Variants in LYN observed in about 807,000 individuals in gnomAD.
LYN encodes tyrosine-protein kinase Lyn.
In LYN, 12 loss-of-function variants were observed where a neutral mutation model predicts 65.0. That is an observed-to-expected ratio of 0.18 (90% confidence interval 0.12 to 0.30). The LOEUF (loss-of-function observed/expected upper bound fraction) is 0.30, where lower values mean the gene tolerates loss of function less well. LYN is among the 10% of genes least tolerant of loss of function. LYN has a pLI of 1.00. For synonymous variants in LYN, 222 were observed against 221.2 expected (o/e 1.00, Z -0.03); for missense variants, 380 against 623.2 (o/e 0.61, Z 4.16).
chr8:55,954,097 A>ATAATTTATTTTGT, intron 8 of LYN, 113 bp downstream of exon 8: 1 of 1,203,612 alleles, frequency 8.3e-7, no homozygotes, highest in Non-Finnish European at 1.2e-6. Flanking sequence ...TGTCAGAAGC[A>ATAATTTATTTTGT]TCATTTATTT....
intron 1 of LYN, among the ~76,000 whole-genome samples, chr8:55,911,286 T>TA (rs1491536693): frequency 0.1 from 1,894 of 18,534 alleles, 381 homozygotes; most frequent in Non-Finnish European, 0.15. Flanking sequence ...TATATATATA[T>TA]TTTTTTTTTT....
intron 1 of LYN, among the ~76,000 whole-genome samples, chr8:55,891,529 G>T (rs1804963216): frequency 6.6e-6 from 1 of 152,094 alleles, no homozygotes; most frequent in Non-Finnish European, 1.5e-5. Context: ...TCTTCCAGGG[G>T]CTTGATGGGG....
At chr8:55,897,591 T>G (rs187392142) in intron 1 of LYN, among the ~76,000 whole-genome samples, 23 of 152,302 alleles carry the variant, frequency 1.5e-4, no homozygotes, top group Non-Finnish European at 2.8e-4. Flanking sequence ...TCTTTAGTAA[T>G]GGGATATAAG....
At chr8:55,936,794 A>G (rs1019194113) in intron 1 of LYN, among the ~76,000 whole-genome samples, 3 of 152,226 alleles carry the variant, frequency 2.0e-5, no homozygotes, top group Non-Finnish European at 4.4e-5. Context: ...ACACAAAGAA[A>G]TAATACATTA....
intron 10 of LYN, among the ~76,000 whole-genome samples, chr8:55,989,367 A>G (rs576070399): frequency 6.6e-6 from 1 of 152,302 alleles, no homozygotes; most frequent in African/African-American, 2.4e-5. Context: ...AGTCCATCTG[A>G]TATATTACCT....
intron 1 of LYN, among the ~76,000 whole-genome samples, chr8:55,890,117 C>CAAAAAAAAAAAAAAAAAAAAAAAAAA (rs34706733): frequency 2.5e-5 from 2 of 79,088 alleles, no homozygotes; most frequent in Admixed American, 1.7e-4. Flanking sequence ...CCTCTATAGA[C>CAAAAAAAAAAAAAAAAAAAAAAAAAA]AAAAAAAAAA....
intron 1 of LYN, among the ~76,000 whole-genome samples, chr8:55,894,697 T>TA: frequency 6.6e-6 from 1 of 152,252 alleles, no homozygotes; most frequent in Non-Finnish European, 1.5e-5. Flanking sequence ...CATACCCAGC[T>TA]AATTTTTTTG....
chr8:55,945,270 G>T (rs1357329309), intron 2 of LYN, among the ~76,000 whole-genome samples: 1 of 152,152 alleles, frequency 6.6e-6, no homozygotes, highest in African/African-American at 2.4e-5. Flanking sequence ...TGAAAAATCA[G>T]CTTGCTGCTT....
At chr8:55,950,291 A>G (rs779164931) in intron 4 of LYN, among the ~76,000 whole-genome samples, 168 bp from the exon 5 acceptor site, 3 of 152,200 alleles carry the variant, frequency 2.0e-5, no homozygotes, top group Admixed American at 6.5e-5. Context: ...GTCAAGGAGT[A>G]TAGTTGCTGG....
intron 1 of LYN, among the ~76,000 whole-genome samples, chr8:55,900,082 G>T (rs7012039): frequency 0.039 from 5,969 of 152,180 alleles, 369 homozygotes; most frequent in African/African-American, 0.13. Flanking sequence ...GCTGCCACTC[G>T]AACTTCAGGA....
At chr8:56,008,779 C>T (rs898549195) in intron 12 of LYN, among the ~76,000 whole-genome samples, 1 of 152,138 alleles carries the variant, frequency 6.6e-6, no homozygotes, top group African/African-American at 2.4e-5. Flanking sequence ...AATCCAGAGT[C>T]AGAGTGAGCT....
At chr8:55,899,190 C>G (rs1805194173) in intron 1 of LYN, among the ~76,000 whole-genome samples, 1 of 152,054 alleles carries the variant, frequency 6.6e-6, no homozygotes, top group African/African-American at 2.4e-5. Flanking sequence ...GAATAGCAAT[C>G]CTTTATTAAA....
rs118108657 is a variant in LYN, at chr8:55,939,962, G to A, written c.-5-1893G>A. On this transcript the variant is annotated intron_variant, in intron 1 of 12. Coordinates refer to ENST00000519728, the MANE Select transcript of LYN (RefSeq NM_002350.4). ...GCTCGCTAGTTTCAGAAAGAGGTGTGGCTGCTCTTTAGAGGCTTCATACCT... is the reference window on the plus strand; with the variant it reads ...GCTCGCTAGTTTCAGAAAGAGGTGTAGCTGCTCTTTAGAGGCTTCATACCT... Among the ~76,000 whole-genome samples, 28 of 152,286 alleles carry A rather than the reference G, an allele frequency of 1.8e-4. 1 individual carries two copies. The South Asian group carries it at 3.7e-3, about 20-fold the overall frequency.
chr8:55,929,775 A>T (rs1806207406), intron 1 of LYN, among the ~76,000 whole-genome samples: 1 of 152,188 alleles, frequency 6.6e-6, no homozygotes, highest in African/African-American at 2.4e-5. Context: ...TCTGGCTTGA[A>T]ATGTCAGTAG....
chr8:55,918,841 T>C (rs1190505706), intron 1 of LYN, among the ~76,000 whole-genome samples: 1 of 152,082 alleles, frequency 6.6e-6, no homozygotes, highest in Non-Finnish European at 1.5e-5. Context: ...TGATGGGCTG[T>C]GCAAAAGTGG....
At chr8:55,935,738 A>ATG (rs2130460687) in intron 1 of LYN, among the ~76,000 whole-genome samples, 1 of 148,184 alleles carries the variant, frequency 6.7e-6, no homozygotes, top group East Asian at 2.0e-4. Flanking sequence ...CCGAGATCGC[A>ATG]CCACTGCACT....
At chr8:55,905,791 A>G (rs1275000198) in intron 1 of LYN, among the ~76,000 whole-genome samples, 1 of 152,134 alleles carries the variant, frequency 6.6e-6, no homozygotes, top group Non-Finnish European at 1.5e-5. Flanking sequence ...CATATGCATC[A>G]TGTGAGTGCA....
At chr8:55,909,010 TACACACACACACAC>T (rs369256669) in intron 1 of LYN, among the ~76,000 whole-genome samples, 398 of 32,232 alleles carry the variant, frequency 0.012, 23 homozygotes, top group African/African-American at 0.041. Flanking sequence ...TATATATATA[TACACACACACACAC>T]ACACACACAC....
At chr8:55,911,453 T>A (rs2130410637) in intron 1 of LYN, among the ~76,000 whole-genome samples, 1 of 150,502 alleles carries the variant, frequency 6.6e-6, no homozygotes, top group Middle Eastern at 3.4e-3. Flanking sequence ...AATTACAAGG[T>A]TAAAATACAA....
Sources: gnomAD v4.1 joint callset for allele counts (sites outside exome capture counted in the v4.1 genomes callset) on GRCh38, gnomAD v4.1.1 for gene constraint, MANE v1.5 for transcripts, NCBI Gene and HGNC (gene_info 2026-07-23, HGNC 2026-07-21) for gene names.